The following CLYBL variants were observed in gnomAD, a reference collection of about 807,000 sequenced individuals.
CLYBL encodes citramalyl-CoA lyase.
In CLYBL, 31 loss-of-function variants were observed where a neutral mutation model predicts 38.9. That is an observed-to-expected ratio of 0.80 (90% CI 0.60 to 1.08). The LOEUF is 1.08. Among genes scored for constraint, CLYBL ranks in the 50% least tolerant of loss-of-function variants. The probability of loss-of-function intolerance (pLI) is 0.00; values close to 1 mark genes in which losing one functional copy is unlikely to be tolerated. For missense variants in CLYBL, 434 were observed against 411.6 expected (o/e 1.05, Z -0.47); for synonymous variants, 171 against 158.6 (o/e 1.08, Z -0.59).
At chr13:99,892,644 A>G (rs2052515969), downstream of CLYBL, 1 of 152,690 alleles carries the variant, frequency 6.5e-6, no homozygotes, top group African/African-American at 2.4e-5. Flanking sequence ...TTCATGACCT[A>G]CACAGCAGCA....
chr13:99,660,580 C>T (rs1011071853), intron 1 of CLYBL, among the ~76,000 whole-genome samples: 1 of 152,166 alleles, frequency 6.6e-6, no homozygotes. Context: ...AATAGTCTCT[C>T]TAGTCTTTGA....
intron 1 of CLYBL, among the ~76,000 whole-genome samples, chr13:99,750,978 T>C (rs139679956): frequency 2.4e-4 from 37 of 152,240 alleles, no homozygotes; most frequent in African/African-American, 8.7e-4. Context: ...GAACATAGAA[T>C]TACCAGATGA....
chr13:99,739,665 T>G (rs576558465), intron 1 of CLYBL, among the ~76,000 whole-genome samples: 1 of 152,334 alleles, frequency 6.6e-6, no homozygotes, highest in Admixed American at 6.5e-5. Context: ...CATTCTAATT[T>G]CCATGCCCTA....
intron 2 of CLYBL, among the ~76,000 whole-genome samples, chr13:99,847,143 G>T (rs978496765): frequency 8.5e-5 from 13 of 152,156 alleles, no homozygotes; most frequent in Non-Finnish European, 1.8e-4. Flanking sequence ...TGACACGTCT[G>T]TTATCTGATG....
intron 2 of CLYBL, among the ~76,000 whole-genome samples, chr13:99,839,753 CAT>C (rs1412657976): frequency 6.6e-6 from 1 of 151,920 alleles, no homozygotes; most frequent in African/African-American, 2.4e-5. Flanking sequence ...TTGATTCAGG[CAT>C]GCAAAAAGCA....
intron 1 of CLYBL, among the ~76,000 whole-genome samples, chr13:99,674,371 C>T (rs917935103): frequency 5.9e-5 from 9 of 151,896 alleles, no homozygotes; most frequent in African/African-American, 1.7e-4. Context: ...AGGCTGGTCT[C>T]GAACTCCTGA....
At chr13:99,650,068 C>G (rs892069585) in intron 1 of CLYBL, among the ~76,000 whole-genome samples, 11 of 151,988 alleles carry the variant, frequency 7.2e-5, no homozygotes, top group African/African-American at 2.7e-4. Context: ...TAGAGACCAT[C>G]ATGGCTAACA....
chr13:99,735,057 T>C (rs1282111769), intron 1 of CLYBL, among the ~76,000 whole-genome samples: 1 of 152,252 alleles, frequency 6.6e-6, no homozygotes, highest in Non-Finnish European at 1.5e-5. Context: ...TATCTGGCCC[T>C]TTCAGTCAGA....
chr13:99,779,187 G>A (rs577325612), intron 2 of CLYBL, among the ~76,000 whole-genome samples: 2 of 152,200 alleles, frequency 1.3e-5, no homozygotes, highest in South Asian at 4.2e-4. Context: ...TTGTCGCCCG[G>A]GCTGGAGTGC....
At chr13:99,681,454 T>C (rs1286921102) in intron 1 of CLYBL, among the ~76,000 whole-genome samples, 1 of 152,186 alleles carries the variant, frequency 6.6e-6, no homozygotes, top group African/African-American at 2.4e-5. Context: ...TCTGTATTTA[T>C]ACATATGGAG....
downstream of CLYBL, chr13:99,895,215 C>T (rs1222273010): frequency 1.3e-5 from 2 of 151,510 alleles, no homozygotes; most frequent in South Asian, 4.3e-4. Context: ...TTGTAATTTT[C>T]TGATGATGCC....
chr13:99,836,873 C>T (rs1189627971), intron 2 of CLYBL, among the ~76,000 whole-genome samples: 2 of 150,192 alleles, frequency 1.3e-5, no homozygotes, highest in African/African-American at 4.9e-5. Context: ...GGGAACATCA[C>T]ACACCGGGGA....
intron 1 of CLYBL, among the ~76,000 whole-genome samples, chr13:99,717,436 GAAA>G (rs1172721313): frequency 4.5e-4 from 41 of 91,106 alleles, no homozygotes; most frequent in African/African-American, 1.2e-3. Context: ...AAAAAAATTA[GAAA>G]AAAAAAAAAA....
intron 1 of CLYBL, among the ~76,000 whole-genome samples, chr13:99,629,219 A>C (rs538648715): frequency 6.6e-6 from 1 of 152,220 alleles, no homozygotes; most frequent in South Asian, 2.1e-4. Context: ...ACAGGGGGCT[A>C]TCCCAGCTTC....
chr13:99,818,076 G>A (rs554294886), intron 2 of CLYBL, among the ~76,000 whole-genome samples: 1 of 151,610 alleles, frequency 6.6e-6, no homozygotes, highest in South Asian at 2.1e-4. Flanking sequence ...GAGGGAAGGA[G>A]GAAGGGAGAA....
At chr13:99,844,545 C>A (rs1426692327) in intron 2 of CLYBL, among the ~76,000 whole-genome samples, 1 of 152,150 alleles carries the variant, frequency 6.6e-6, no homozygotes, top group African/African-American at 2.4e-5. Flanking sequence ...GTGTTAAGAT[C>A]CCCCTGGCAG....
intron 2 of CLYBL, among the ~76,000 whole-genome samples, chr13:99,838,864 C>A (rs2051000357): frequency 6.6e-6 from 1 of 152,182 alleles, no homozygotes; most frequent in African/African-American, 2.4e-5. Context: ...TGGTCTCAAT[C>A]TCCTGACCTC....
chr13:99,705,228 A>G (rs1299444569), intron 1 of CLYBL, among the ~76,000 whole-genome samples: 2 of 151,704 alleles, frequency 1.3e-5, no homozygotes, highest in Non-Finnish European at 2.9e-5. Context: ...GGTAACTACA[A>G]TGTGGTGTAC....
chr13:99,607,799 A>G (rs1452201570), intron 1 of CLYBL, among the ~76,000 whole-genome samples: 1 of 152,158 alleles, frequency 6.6e-6, no homozygotes, highest in Non-Finnish European at 1.5e-5. Flanking sequence ...GCTGTAGTAC[A>G]GTGGTGTAAT....
Sources: gnomAD v4.1 joint callset for allele counts (sites outside exome capture counted in the v4.1 genomes callset) on GRCh38, gnomAD v4.1.1 for gene constraint, MANE v1.5 for transcripts, NCBI Gene and HGNC (gene_info 2026-07-23, HGNC 2026-07-21) for gene names.